Variants in SP4 observed in about 807,000 individuals in gnomAD.
SP4 encodes the protein transcription factor Sp4.
In SP4, 19 loss-of-function variants were observed where a neutral mutation model predicts 72.8. The observed-to-expected ratio is 0.26, with a 90% CI of 0.18 to 0.38. The LOEUF is 0.38. SP4 is among the 10% of genes least tolerant of loss of function. The pLI, the probability that SP4 is intolerant of heterozygous loss-of-function variation, is 1.00. For synonymous variants in SP4, 395 were observed against 333.1 expected (o/e 1.19, Z -2.02); for missense variants, 1,008 against 926.3 (o/e 1.09, Z -1.14).
rs531451398 is a variant in SP4 at position 21,442,319 on chromosome 7, C to T, written c.1678+11476C>T. Among the ~76,000 whole-genome samples, 6 of 152,110 alleles carry T rather than the reference C, an allele frequency of 3.9e-5. No homozygotes were observed. The East Asian group carries it at 9.7e-4, about 25-fold the overall frequency. On this transcript the variant is annotated intron_variant, in intron 3 of 5. Coordinates refer to ENST00000222584, the MANE Select transcript of SP4 (RefSeq NM_003112.5). ...CCTTCCTAAATGCTGGGATTACAGG[C>T]GTAAGCCACCACGCCTGGGCCCATT... is the stretch of plus-strand genomic sequence containing the variant.
At position 21,429,790 on chromosome 7, in the gene SP4, A is replaced by C; in HGVS notation, c.625A>C (p.Thr209Pro). ...ISAGNNQAIL[T>P]AANRTASGNI... ...TGCAGGTAATAATCAAGCTATACTC[A>C]CAGCTGCTAACAGGACAGCTTCTGG... The change falls in exon 3 of 6, where the codon ACA (threonine) becomes CCA (proline). Residue 209 changes from threonine to proline, a missense_variant. Thr to Pro is a conservative substitution (Grantham distance 38). Coordinates refer to ENST00000222584, the MANE Select transcript of SP4 (RefSeq NM_003112.5). 6 of 1,614,158 alleles carry C rather than the reference A, an allele frequency of 3.7e-6. No individual in the cohort carries two copies. The highest frequency in any genetic ancestry group is 5.1e-6 in the Non-Finnish European group (6 of 1,180,006).
Position 21,477,112 on chromosome 7 carries a change from A to G in SP4, c.1712A>G (p.Gln571Arg), listed in dbSNP as rs1013097854. Residue 571 changes from glutamine (Q) to arginine (R), a missense_variant, in exon 4 of 6, where the codon CAG becomes CGG. Coordinates refer to ENST00000222584, the MANE Select transcript of SP4 (RefSeq NM_003112.5). ...CAAGGACAAGATGGAGTAAAAGTCC[A>G]GCAAGCTACTATAGCTCCTGTAACT... Reference protein sequence around the residue: ...QQQGQDGVKVQQATIAPVTVA... With the variant: ...QQQGQDGVKVRQATIAPVTVA... 3 of 1,614,124 alleles carry G rather than the reference A, an allele frequency of 1.9e-6. No homozygotes were observed. Among genetic ancestry groups the G allele is most frequent in the African/African-American group, 2.7e-5 (2 of 75,048 alleles).
At chr7:21,496,973 G>C (rs1781724036) in intron 5 of SP4, among the ~76,000 whole-genome samples, 2 of 152,200 alleles carry the variant, frequency 1.3e-5, no homozygotes, top group African/African-American at 4.8e-5. Flanking sequence ...CTAGATTCCT[G>C]TGTATATGTC....
At chr7:21,486,934 A>G (rs1188566356) in intron 5 of SP4, among the ~76,000 whole-genome samples, 1 of 152,150 alleles carries the variant, frequency 6.6e-6, no homozygotes, top group Non-Finnish European at 1.5e-5. Context: ...TAAAATACTA[A>G]AGCTTCACTT....
rs375265634 is a variant in SP4 at position 21,481,663 on chromosome 7, A to G, written c.1908-261A>G. ...AGAGAGATTTTTTTCCCAAGGGAAG[A>G]GCCCACTATGACCAGGAACGTGAGT... On this transcript the variant is annotated intron_variant, in intron 4 of 5. Coordinates refer to ENST00000222584, the MANE Select transcript of SP4 (RefSeq NM_003112.5). Among the ~76,000 whole-genome samples, 111 of 152,310 alleles carry G rather than the reference A, an allele frequency of 7.3e-4. 1 individual carries two copies. In the South Asian group the frequency reaches 0.022, roughly 30 times the overall value.
intron 3 of SP4, among the ~76,000 whole-genome samples, chr7:21,473,875 A>G (rs924540517): frequency 6.6e-6 from 1 of 152,196 alleles, no homozygotes; most frequent in Non-Finnish European, 1.5e-5. Context: ...AGTCAATAGA[A>G]TTAAACTTAA....
rs753199492 is a variant in SP4, at chr7:21,429,628, C to A, written c.463C>A (p.Gln155Lys). The change falls in exon 3 of 6, where the codon CAA (glutamine) becomes AAA (lysine). Residue 155 changes from glutamine (Q) to lysine (K), a missense_variant. Around this residue, in one of 3 missense-constraint regions of SP4, gnomAD observed 893 missense variants for 743.3 expected, o/e 1.20. Transcript: ENST00000222584. Reference sequence around the variant, plus strand: ...CACCCCTGGTCAATTTCAAGTCATACAAGTACAAAATCCAAGTGGTAGTGT... The same window carrying A: ...CACCCCTGGTCAATTTCAAGTCATAAAAGTACAAAATCCAAGTGGTAGTGT... ...SSTPGQFQVI[Q>K]VQNPSGSVQY... is the part of the protein sequence containing the mutation. The A allele has an allele frequency of 3.7e-6, 6 of 1,614,076 alleles. No homozygotes were observed. The Admixed American group carries it at 5.0e-5, about 13-fold the overall frequency.
chr7:21,428,183 G>GCGCCCCCCCCCCCC lies in SP4; in HGVS notation c.-68_-67insGCCCCCCCCCCCCC. On this transcript the variant is annotated 5_prime_UTR_variant, in exon 1 of 6. Transcript: ENST00000222584. Reference sequence around the variant, plus strand: ...GCGGGCGGGACCGGCCTCTCCTCCCGCCTCGCCCCCACCCCCACCCACCTC... The same window carrying GCGCCCCCCCCCCCC: ...GCGGGCGGGACCGGCCTCTCCTCCCGCGCCCCCCCCCCCCCCTCGCCCCCACCCCCACCCACCTC... The GCGCCCCCCCCCCCC allele has an allele frequency of 2.7e-6, 1 of 370,468 alleles. No homozygotes were observed. The highest frequency in any genetic ancestry group is 5.3e-6 in the Non-Finnish European group (1 of 190,028). The allele number at this position is 370,468 out of a possible 1,614,324, so 22.9% of individuals were successfully genotyped here.
At chr7:21,448,622 C>A (rs538773122) in intron 3 of SP4, among the ~76,000 whole-genome samples, 1 of 152,234 alleles carries the variant, frequency 6.6e-6, no homozygotes, top group East Asian at 1.9e-4. Flanking sequence ...ATGAAGATAG[C>A]CTGCCTACTA....
intron 3 of SP4, among the ~76,000 whole-genome samples, chr7:21,433,235 A>T (rs1001751069): frequency 3.3e-5 from 5 of 152,190 alleles, no homozygotes; most frequent in Admixed American, 1.3e-4. Context: ...TAATTTTTTC[A>T]CTTAAAGGAT....
chr7:21,493,136 G>A (rs961023515), intron 5 of SP4, among the ~76,000 whole-genome samples: 2 of 151,690 alleles, frequency 1.3e-5, no homozygotes, highest in African/African-American at 4.9e-5. Context: ...GGAGGTGGAG[G>A]TTGCGGTGAG....
At chr7:21,496,078 T>C (rs1028954169) in intron 5 of SP4, among the ~76,000 whole-genome samples, 2 of 152,144 alleles carry the variant, frequency 1.3e-5, no homozygotes, top group Non-Finnish European at 2.9e-5. Context: ...ATTTGTGTTT[T>C]CTAGGGCATA....
intron 3 of SP4, among the ~76,000 whole-genome samples, chr7:21,472,354 G>A (rs1361040111): frequency 4.6e-5 from 7 of 151,944 alleles, no homozygotes; most frequent in East Asian, 2.0e-4. Context: ...GTGCCATCAC[G>A]GCTCACTGAA....
intron 4 of SP4, 144 bp downstream of exon 4, chr7:21,477,451 A>T: frequency 1.6e-6 from 1 of 628,880 alleles, no homozygotes; most frequent in Non-Finnish European, 2.8e-6. Context: ...AAAGGGAATT[A>T]AGTTGGGCTA....
At chr7:21,496,005 A>G (rs867514416) in intron 5 of SP4, among the ~76,000 whole-genome samples, 1 of 152,224 alleles carries the variant, frequency 6.6e-6, no homozygotes, top group Non-Finnish European at 1.5e-5. Flanking sequence ...AAAAGACTGC[A>G]TAATATATGA....
intron 5 of SP4, among the ~76,000 whole-genome samples, chr7:21,483,401 T>C (rs1784739249): frequency 6.6e-6 from 1 of 151,930 alleles, no homozygotes; most frequent in Non-Finnish European, 1.5e-5. Context: ...ATAAATCTTT[T>C]CTTTTGTCTT....
chr7:21,488,292 A>T (rs1028225126), intron 5 of SP4, among the ~76,000 whole-genome samples: 11 of 152,066 alleles, frequency 7.2e-5, no homozygotes, highest in African/African-American at 2.7e-4. Flanking sequence ...TAATATTAAC[A>T]TTTTGCCCCA....
intron 5 of SP4, among the ~76,000 whole-genome samples, chr7:21,507,622 T>C (rs1782032759): frequency 6.6e-6 from 1 of 152,186 alleles, no homozygotes; most frequent in East Asian, 1.9e-4. Context: ...GGTTTTATTA[T>C]TCACATAGAG....
intron 5 of SP4, among the ~76,000 whole-genome samples, chr7:21,506,175 C>T (rs1470705395): frequency 6.6e-6 from 1 of 152,118 alleles, no homozygotes; most frequent in African/African-American, 2.4e-5. Context: ...GAAATCCCTC[C>T]CCTTTTACCC....
Sources: gnomAD v4.1 joint callset for allele counts (sites outside exome capture counted in the v4.1 genomes callset) on GRCh38, gnomAD v4.1.1 for gene constraint, gnomAD v4.1.1 regional missense constraint, MANE v1.5 for transcripts, NCBI Gene and HGNC (gene_info 2026-07-23, HGNC 2026-07-21) for gene names.